CLVS2: variants seen among roughly 807,000 people sequenced by gnomAD.
CLVS2 encodes clavesin 2.
In CLVS2, 19 loss-of-function variants were observed where a neutral mutation model predicts 29.0. The ratio of observed to expected loss-of-function variants is 0.66; its 90% CI spans 0.46 to 0.96. The LOEUF (loss-of-function observed/expected upper bound fraction) is 0.96, where lower values mean the gene tolerates loss of function less well. CLVS2 is among the 40% of genes least tolerant of loss of function. The pLI, the probability that CLVS2 is intolerant of heterozygous loss-of-function variation, is 0.00. For synonymous variants in CLVS2, 161 were observed against 151.3 expected (o/e 1.06, Z -0.47); for missense variants, 294 against 404.1 (o/e 0.73, Z 2.34).
chr6:123,031,659 T>G (rs1375330246), intron 3 of CLVS2, among the ~76,000 whole-genome samples: 2 of 152,188 alleles, frequency 1.3e-5, no homozygotes, highest in African/African-American at 2.4e-5. Flanking sequence ...ATTTATCAAT[T>G]ATGCCTCAAT....
chr6:123,004,315 C>T (rs1774632366), intron 2 of CLVS2, among the ~76,000 whole-genome samples: 1 of 152,122 alleles, frequency 6.6e-6, no homozygotes, highest in Admixed American at 6.5e-5. Flanking sequence ...GACATTTTGC[C>T]CGCAGATGTT....
At chr6:123,056,141 T>A in intron 5 of CLVS2, 115 bp downstream of exon 5, 1 of 676,204 alleles carries the variant, frequency 1.5e-6, no homozygotes, top group Non-Finnish European at 2.7e-6. Flanking sequence ...ATTTTAAAAC[T>A]CTTTATGCCC....
At position 123,065,816 on chromosome 6, in the gene CLVS2, C is replaced by A. The variant is rs1338333377; in HGVS notation, c.*2055C>A. The A allele has an allele frequency of 6.6e-6, 1 of 151,704 alleles. No individual in the cohort carries two copies. Among genetic ancestry groups the A allele is most frequent in the Non-Finnish European group, 1.5e-5 (1 of 67,766 alleles). 9.4% of individuals were successfully genotyped at this position (151,704 alleles called of 1,614,324 possible). On this transcript the variant is annotated 3_prime_UTR_variant, in exon 6 of 6. Transcript: ENST00000275162. The stretch of plus-strand genomic sequence containing the variant: ...TCTCTTGATGTGTACCATTTATTGC[C>A]AGTTTTCAGAATTCTGCCAGTTTCA...
chr6:123,070,660 T>C lies in CLVS2; in HGVS notation c.*6899T>C, dbSNP rs1772931171. The C allele has an allele frequency of 6.6e-6, 1 of 151,970 alleles. No individual in the cohort carries two copies. Among genetic ancestry groups the C allele is most frequent in the Admixed American group, 6.6e-5 (1 of 15,212 alleles). 9.4% of individuals were successfully genotyped at this position (151,970 alleles called of 1,614,324 possible). ...TAAGCACCAGTACAGCAACATAGCA[T>C]GGTTTCTGATTGGGCTGGCATTTTT... On this transcript the variant is annotated 3_prime_UTR_variant, in exon 6 of 6. Coordinates refer to ENST00000275162, the MANE Select transcript of CLVS2 (RefSeq NM_001010852.4).
In CLVS2 at chr6:122,997,513, G is replaced by A; in HGVS notation, c.-265G>A. ...TTCAGGGGTTCACATCTCTTTAAAG[G>A]AAAGGAAAGAGGGAGCCAAAGTAGG... On this transcript the variant is annotated 5_prime_UTR_variant, in exon 2 of 6. Coordinates refer to ENST00000275162, the MANE Select transcript of CLVS2 (RefSeq NM_001010852.4). The A allele has an allele frequency of 1.9e-6, 1 of 519,918 alleles. No homozygotes were observed. The highest frequency in any genetic ancestry group is 3.5e-6 in the Non-Finnish European group (1 of 282,360). 32.2% of individuals were successfully genotyped at this position (519,918 alleles called of 1,614,324 possible).
intron 4 of CLVS2, among the ~76,000 whole-genome samples, chr6:123,053,347 G>GCAAA (rs577528788): frequency 6.6e-5 from 10 of 152,030 alleles, no homozygotes; most frequent in East Asian, 3.9e-4. Context: ...CTGTCTAAAA[G>GCAAA]CAAACAAACA....
chr6:123,019,466 C>T (rs1774891059), intron 3 of CLVS2, among the ~76,000 whole-genome samples: 2 of 151,960 alleles, frequency 1.3e-5, no homozygotes, highest in Admixed American at 1.3e-4. Flanking sequence ...GTTCTCTGTA[C>T]CTGACTAGCT....
chr6:123,057,334 C>CT lies in CLVS2; in HGVS notation c.896+1339dup, dbSNP rs71541220. On this transcript the variant is annotated intron_variant, in intron 5 of 5. Coordinates refer to ENST00000275162, the MANE Select transcript of CLVS2 (RefSeq NM_001010852.4). ...GTGCCTGTTCTTTAAGGATGGTCTT[C>CT]TTTTTTTTTTTTTTTTTTTTTTTTT... Among the ~76,000 whole-genome samples the CT allele has an allele frequency of 3.0e-3, 254 of 83,656 alleles. 2 individuals are homozygous for CT. Among genetic ancestry groups the CT allele is most frequent in the African/African-American group, 8.5e-3 (184 of 21,690 alleles). 54.9% of individuals were successfully genotyped at this position (83,656 alleles called of 152,430 possible). A position where few individuals can be genotyped will look rare whatever the true frequency, so the allele number is the denominator to read the frequency against.
At chr6:123,033,531 CAACTT>C (rs1775111016) in intron 3 of CLVS2, among the ~76,000 whole-genome samples, 1 of 151,984 alleles carries the variant, frequency 6.6e-6, no homozygotes, top group South Asian at 2.1e-4. Flanking sequence ...AAAAGAACCT[CAACTT>C]AAAGCTCAAA....
At chr6:123,044,306 G>A (rs867654959) in intron 3 of CLVS2, among the ~76,000 whole-genome samples, 13 of 152,128 alleles carry the variant, frequency 8.5e-5, no homozygotes, top group South Asian at 2.1e-4. Context: ...AACAACTGCC[G>A]CTTAAACCAC....
intron 3 of CLVS2, among the ~76,000 whole-genome samples, chr6:123,024,820 A>G (rs939626266): frequency 1.3e-5 from 2 of 152,146 alleles, no homozygotes; most frequent in African/African-American, 4.8e-5. Context: ...TTGGAATGGC[A>G]GCATAGGGGA....
chr6:123,030,591 G>A (rs550511994), intron 3 of CLVS2, among the ~76,000 whole-genome samples: 2 of 152,070 alleles, frequency 1.3e-5, no homozygotes, highest in South Asian at 4.1e-4. Context: ...GCTCCAAACT[G>A]GACTTTGCAG....
chr6:123,031,941 C>T (rs968411551), intron 3 of CLVS2, among the ~76,000 whole-genome samples: 1 of 152,068 alleles, frequency 6.6e-6, no homozygotes, highest in Admixed American at 6.6e-5. Flanking sequence ...AGCCAGAACC[C>T]CCTTTTCACT....
intron 3 of CLVS2, among the ~76,000 whole-genome samples, chr6:123,041,758 T>C (rs1775237260): frequency 6.6e-6 from 1 of 152,170 alleles, no homozygotes. Flanking sequence ...ATATTCATGA[T>C]GGAAAATTTA....
intron 2 of CLVS2, among the ~76,000 whole-genome samples, chr6:123,004,930 AC>A (rs1326953976): frequency 2.0e-5 from 2 of 99,482 alleles, no homozygotes; most frequent in African/African-American, 9.3e-5. Context: ...AAAAACAAAA[AC>A]AAAAACAAAA....
chr6:123,011,420 A>G (rs1774746128), intron 3 of CLVS2, among the ~76,000 whole-genome samples: 1 of 152,050 alleles, frequency 6.6e-6, no homozygotes, highest in Non-Finnish European at 1.5e-5. Flanking sequence ...TGAAAATCAG[A>G]ACAAGCAACA....
intron 3 of CLVS2, among the ~76,000 whole-genome samples, chr6:123,048,321 T>A (rs1772546476): frequency 6.6e-6 from 1 of 152,104 alleles, no homozygotes; most frequent in Non-Finnish European, 1.5e-5. Context: ...TTTGTTTTTG[T>A]TTCTTGGCCT....
rs1272698156 is a variant in CLVS2 at position 123,072,839 on chromosome 6, CTT to C, written c.*9084_*9085del. The C allele has an allele frequency of 6.6e-6, 1 of 151,778 alleles. No homozygotes were observed. The highest frequency in any genetic ancestry group is 2.1e-4 in the South Asian group (1 of 4,820). The allele number at this position is 151,778 out of a possible 1,614,324, so 9.4% of individuals were successfully genotyped here. ...AAACCATTATATTAATATTTTATTT[CTT>C]TTTTTGCAGAGAAACTATTGTCTTT... On this transcript the variant is annotated 3_prime_UTR_variant, in exon 6 of 6. Transcript: ENST00000275162.
At position 123,016,412 on chromosome 6, in the gene CLVS2, G is replaced by A. The variant is rs974497161; in HGVS notation, c.564+5253G>A. On this transcript the variant is annotated intron_variant, in intron 3 of 5. Coordinates refer to ENST00000275162, the MANE Select transcript of CLVS2 (RefSeq NM_001010852.4). ...AAACTCTTTATTAATGAGAAACTTG[G>A]ACTTTTTTATAAATCCAGAATCTCC... 4.0e-5 allele frequency among the ~76,000 whole-genome samples: 6 copies of A among 151,532 alleles called. No homozygotes were observed. The South Asian group carries it at 1.3e-3, about 32-fold the overall frequency.
Sources: allele counts gnomAD v4.1 joint callset (sites outside exome capture counted in the v4.1 genomes callset), GRCh38; gene constraint gnomAD v4.1.1; transcripts MANE v1.5; gene names NCBI Gene and HGNC (gene_info 2026-07-23, HGNC 2026-07-21).